Variants in TRAK2 observed in about 807,000 individuals in gnomAD.
TRAK2 encodes the protein trafficking kinesin-binding protein 2.
In TRAK2, 81 loss-of-function variants were observed where a neutral mutation model predicts 104.6. That is an observed-to-expected ratio of 0.77 (90% CI 0.65 to 0.93). The LOEUF is 0.93. Among genes scored for constraint, TRAK2 ranks in the 40% least tolerant of loss-of-function variants. The pLI is 0.00. For missense variants in TRAK2, 1,002 were observed against 1,089.0 expected (o/e 0.92, Z 1.12); for synonymous variants, 406 against 394.4 (o/e 1.03, Z -0.35).
rs1951322219 is a variant in TRAK2, at chr2:201,379,829, G to C, written c.*714C>G. 6.7e-6 allele frequency: 1 copy of C among 150,262 alleles called. No individual in the cohort carries two copies. The highest frequency in any genetic ancestry group is 1.5e-5 in the Non-Finnish European group (1 of 67,564). 9.3% of individuals were successfully genotyped at this position (150,262 alleles called of 1,614,324 possible). On this transcript the variant is annotated 3_prime_UTR_variant, in exon 16 of 16. Coordinates refer to ENST00000332624, the MANE Select transcript of TRAK2 (RefSeq NM_015049.3). ...CTACCCAGTTGTTTTTTTTTTTGGA[G>C]GTTGTATAAAAATACAAATTTAAAA...
intron 1 of TRAK2, among the ~76,000 whole-genome samples, chr2:201,424,020 C>T (rs957693709): frequency 6.6e-6 from 1 of 152,126 alleles, no homozygotes; most frequent in Non-Finnish European, 1.5e-5. Context: ...TTTTCATATT[C>T]CAGGAAAAGT....
intron 12 of TRAK2, 24 bp from the exon 13 acceptor site, chr2:201,388,025 A>C (rs751347126): frequency 6.2e-7 from 1 of 1,612,950 alleles, no homozygotes; most frequent in South Asian, 1.1e-5. Flanking sequence ...GCGTTCACTG[A>C]TTAGATCTTG....
At chr2:201,405,488 C>A (rs1951585989) in intron 3 of TRAK2, among the ~76,000 whole-genome samples, 2 of 152,176 alleles carry the variant, frequency 1.3e-5, no homozygotes, top group African/African-American at 4.8e-5. Flanking sequence ...AAAACACAGG[C>A]AGCTATGACT....
At chr2:201,408,679 A>G (rs1049393230) in intron 2 of TRAK2, among the ~76,000 whole-genome samples, 1 of 152,234 alleles carries the variant, frequency 6.6e-6, no homozygotes, top group Non-Finnish European at 1.5e-5. Flanking sequence ...TTGGATATAT[A>G]CTTTTTAAAA....
intron 1 of TRAK2, among the ~76,000 whole-genome samples, chr2:201,445,762 T>A (rs1951959647): frequency 6.6e-6 from 1 of 152,166 alleles, no homozygotes; most frequent in Non-Finnish European, 1.5e-5. Flanking sequence ...GGGGAAGGTA[T>A]TTGGAGATTT....
rs1002075376 is a variant in TRAK2, at chr2:201,404,741, C to T, written c.286+2662G>A. 2.6e-5 allele frequency among the ~76,000 whole-genome samples: 4 copies of T among 152,182 alleles called. No homozygotes were observed. In the South Asian group the frequency reaches 8.3e-4, roughly 32 times the overall value. On this transcript the variant is annotated intron_variant, in intron 3 of 15. Coordinates refer to ENST00000332624, the MANE Select transcript of TRAK2 (RefSeq NM_015049.3). ...CAAAAAGAATTCTAATCTTGCAGCA[C>T]TCTCCAACTTTCCCACACCAAAACC...
chr2:201,439,701 T>C (rs904623178), intron 1 of TRAK2, among the ~76,000 whole-genome samples: 18 of 151,372 alleles, frequency 1.2e-4, no homozygotes, highest in African/African-American at 4.1e-4. Flanking sequence ...CCAACAATGA[T>C]AGACTGGATT....
chr2:201,427,092 C>A (rs1951795184), intron 1 of TRAK2, among the ~76,000 whole-genome samples: 1 of 152,134 alleles, frequency 6.6e-6, no homozygotes, highest in South Asian at 2.1e-4. Context: ...TAGTTTGGTA[C>A]CCAACATACA....
chr2:201,415,751 T>C (rs1052001168), intron 2 of TRAK2, among the ~76,000 whole-genome samples: 1 of 152,094 alleles, frequency 6.6e-6, no homozygotes, highest in Admixed American at 6.5e-5. Context: ...TCAAGCAGTC[T>C]GAAGTCCCAG....
At position 201,418,390 on chromosome 2, in the gene TRAK2, G is replaced by C. The variant is rs555604295; in HGVS notation, c.91+2027C>G. Among the ~76,000 whole-genome samples, 427 of 152,202 alleles carry C rather than the reference G, an allele frequency of 2.8e-3. 4 individuals carry two copies. Among genetic ancestry groups the C allele is most frequent in the Non-Finnish European group, 5.0e-3 (343 of 68,002 alleles). ...GGGGTCTCATTATGTTGCGCAGGCT[G>C]GTCTTGAACTCCTCGGCTCAAGTGT... On this transcript the variant is annotated intron_variant, in intron 2 of 15. Coordinates refer to ENST00000332624, the MANE Select transcript of TRAK2 (RefSeq NM_015049.3).
chr2:201,401,657 T>A (rs912765876), intron 3 of TRAK2, among the ~76,000 whole-genome samples: 2 of 152,098 alleles, frequency 1.3e-5, no homozygotes, highest in African/African-American at 4.8e-5. Context: ...CCTTTACTTG[T>A]ATAAAAATCT....
chr2:201,387,188 T>A (rs897175192), intron 13 of TRAK2, among the ~76,000 whole-genome samples: 1 of 152,214 alleles, frequency 6.6e-6, no homozygotes, highest in African/African-American at 2.4e-5. Flanking sequence ...TCAATGATTG[T>A]CATTGTTCCA....
chr2:201,444,207 A>G (rs546052571), intron 1 of TRAK2, among the ~76,000 whole-genome samples: 2 of 152,162 alleles, frequency 1.3e-5, no homozygotes, highest in Admixed American at 6.5e-5. Flanking sequence ...TCTCAAAAAA[A>G]TAAATAATAA....
chr2:201,413,030 CGAGTT>C, intron 2 of TRAK2: 5 of 781,332 alleles, frequency 6.4e-6, no homozygotes, highest in South Asian at 1.4e-5. Context: ...GTGTTGAAGT[CGAGTT>C]AAGTGTTGGA....
At chr2:201,413,060 G>C in intron 2 of TRAK2, 1 of 825,810 alleles carries the variant, frequency 1.2e-6, no homozygotes, top group East Asian at 2.4e-5. Flanking sequence ...TCATTTTAGA[G>C]AATCAATTAT....
At chr2:201,422,633 A>G (rs1951752189) in intron 1 of TRAK2, among the ~76,000 whole-genome samples, 1 of 152,160 alleles carries the variant, frequency 6.6e-6, no homozygotes, top group South Asian at 2.1e-4. Context: ...CAGAGATAGA[A>G]TGTGAACAGA....
chr2:201,422,472 G>T (rs552419684), intron 1 of TRAK2, among the ~76,000 whole-genome samples: 50 of 152,238 alleles, frequency 3.3e-4, no homozygotes, highest in African/African-American at 1.2e-3. Context: ...TCTCATGCCT[G>T]CTCTTCACAG....
At position 201,398,275 on chromosome 2, in the gene TRAK2, G is replaced by T. The variant is rs372738496; in HGVS notation, c.560C>A (p.Thr187Asn). ...AAGAGGTGTAGAACAGCTGGAATCA[G>T]TTTCACTTTCTTCAGAAGCAATGGA... ...IVSIASEESE[T>N]DSSCSTPLRF... is the part of the protein sequence containing the mutation. Residue 187 changes from threonine (T) to asparagine (N), a missense_variant, in exon 6 of 16, where the codon ACT becomes AAT. Coordinates refer to ENST00000332624, the MANE Select transcript of TRAK2 (RefSeq NM_015049.3). 6.2e-7 allele frequency: 1 copy of T among 1,613,702 alleles called. No individual in the cohort carries two copies. The highest frequency in any genetic ancestry group is 1.1e-5 in the South Asian group (1 of 91,056).
rs1031128255 is a variant in TRAK2, at chr2:201,402,515, T to C, written c.287-1421A>G. The stretch of plus-strand genomic sequence containing the variant: ...TTTTCTTAAAAGCTAGAAATAAACA[T>C]TTGTACTCCAAAAGAATTTATATTT... On this transcript the variant is annotated intron_variant, in intron 3 of 15. Coordinates refer to ENST00000332624, the MANE Select transcript of TRAK2 (RefSeq NM_015049.3). Among the ~76,000 whole-genome samples the C allele has an allele frequency of 4.6e-5, 7 of 152,076 alleles. No individual in the cohort carries two copies. In the South Asian group the frequency reaches 6.2e-4, roughly 13 times the overall value.
Sources: allele counts gnomAD v4.1 joint callset (sites outside exome capture counted in the v4.1 genomes callset), GRCh38; gene constraint gnomAD v4.1.1; transcripts MANE v1.5; gene names NCBI Gene and HGNC (gene_info 2026-07-23, HGNC 2026-07-21).